SEMA6A: variants seen among roughly 807,000 people sequenced by gnomAD.
SEMA6A encodes the protein semaphorin 6A.
A neutral mutation model predicts 96.8 loss-of-function variants in SEMA6A; 25 were observed. The ratio of observed to expected loss-of-function variants is 0.26; its 90% CI spans 0.19 to 0.36. The LOEUF is 0.36. SEMA6A is among the 10% of genes least tolerant of loss of function. The probability of loss-of-function intolerance (pLI) is 1.00; values close to 1 mark genes in which losing one functional copy is unlikely to be tolerated. For synonymous variants in SEMA6A, 612 were observed against 518.0 expected, an observed-to-expected ratio of 1.18 and a Z score of -2.46; for missense variants, 1,363 against 1,323.1, an observed-to-expected ratio of 1.03 and a Z score of -0.47.
chr5:116,509,253 C>T (rs910756710), intron 1 of SEMA6A, among the ~76,000 whole-genome samples: 3 of 152,202 alleles, frequency 2.0e-5, no homozygotes, highest in Admixed American at 6.5e-5. Context: ...ATACAAAATG[C>T]TTTTAACAAC....
intron 6 of SEMA6A, among the ~76,000 whole-genome samples, chr5:116,495,195 C>T (rs1189256443): frequency 4.6e-5 from 7 of 152,184 alleles, no homozygotes; most frequent in African/African-American, 1.4e-4. Flanking sequence ...ACTAACTTTG[C>T]TAGGCAGGCT....
chr5:116,497,881 G>A (rs547315785), intron 3 of SEMA6A, among the ~76,000 whole-genome samples: 3 of 152,242 alleles, frequency 2.0e-5, no homozygotes, highest in Admixed American at 6.5e-5. Context: ...CTATTTGATC[G>A]ACAGGATGGA....
rs754135377 is a variant in SEMA6A at position 116,496,284 on chromosome 5, A to G, written c.309T>C (p.Asp103=). ...TTCCCTTCATTCTGCATGTGTCTAC[A>G]TCGGCCTGTCTAGATTTCCATGTCA... The part of the protein sequence containing the change: ...KKLTWKSRQA[D]VDTCRMKGKH... The change falls in exon 5 of 19, where the codon GAT becomes GAC. Residue 103 remains aspartate (D), a synonymous_variant. Coordinates refer to ENST00000343348, the MANE Select transcript of SEMA6A (RefSeq NM_020796.5). 8.1e-6 allele frequency: 13 copies of G among 1,613,720 alleles called. No homozygotes were observed. Among genetic ancestry groups the G allele is most frequent in the African/African-American group, 1.3e-5 (1 of 74,898 alleles).
intron 1 of SEMA6A, chr5:116,508,199 G>C (rs1758239099): frequency 6.6e-6 from 1 of 152,006 alleles, no homozygotes; most frequent in African/African-American, 2.4e-5. Context: ...GAGACCAAAA[G>C]GACTGTCTGA....
At chr5:116,464,663 A>C (rs1273851407) in intron 18 of SEMA6A, among the ~76,000 whole-genome samples, 1 of 152,176 alleles carries the variant, frequency 6.6e-6, no homozygotes, top group Non-Finnish European at 1.5e-5. Flanking sequence ...TGGTAGCAGA[A>C]GGGGGTTAGG....
intron 1 of SEMA6A, among the ~76,000 whole-genome samples, chr5:116,567,126 A>G (rs1039751090): frequency 1.3e-5 from 2 of 152,190 alleles, no homozygotes; most frequent in Admixed American, 6.5e-5. Context: ...CCTATTTGAT[A>G]TAAGGCTCTG....
rs1371828429 is a variant in SEMA6A at position 116,480,144 on chromosome 5, ATGGCC to A, written c.1223_1227del (p.Arg408MetfsTer48). 1 of 1,613,838 alleles carries A rather than the reference ATGGCC, an allele frequency of 6.2e-7. No homozygotes were observed. The highest frequency in any genetic ancestry group is 8.5e-7 in the Non-Finnish European group (1 of 1,179,780). On this transcript the variant is annotated frameshift_variant, in exon 12 of 19. Coordinates refer to ENST00000343348, the MANE Select transcript of SEMA6A (RefSeq NM_020796.5). LOFTEE classifies it high-confidence loss of function. Reference sequence around the variant, plus strand: ...CACCTGACCATTGTTCTCAGGAACCATGGCCTGTTGAAGATGGAGGGCACTGCCTC... The same window carrying A: ...CACCTGACCATTGTTCTCAGGAACCATGTTGAAGATGGAGGGCACTGCCTC...
rs1428608549 is a variant in SEMA6A at position 116,478,623 on chromosome 5, T to C, written c.1346A>G (p.Lys449Arg). 1.2e-6 allele frequency: 2 copies of C among 1,613,670 alleles called. No homozygotes were observed. The highest frequency in any genetic ancestry group is 1.7e-5 in the Admixed American group (1 of 59,968). The part of the protein sequence containing the change: ...FLGSEKGIIL[K>R]FLARIGNSGF... The stretch of plus-strand genomic sequence containing the variant: ...ACTATTTCCTATTCTGGCCAAAAAC[T>C]TCAAGATGATTCCCTTCTCTGATCC... The change falls in exon 13 of 19, where the codon AAG becomes AGG. Residue 449 changes from lysine to arginine, a missense_variant. Physicochemically the swap from Lys to Arg is conservative, Grantham distance 26. This residue lies in a region of SEMA6A where 883 missense variants were observed against 763.6 expected (regional missense o/e 1.16). Transcript: ENST00000343348.
intron 1 of SEMA6A, among the ~76,000 whole-genome samples, chr5:116,542,349 C>T (rs1360487179): frequency 3.3e-5 from 5 of 152,096 alleles, no homozygotes; most frequent in African/African-American, 4.8e-5. Context: ...TCAGCATTAC[C>T]GTTTTTCTTC....
intron 7 of SEMA6A, among the ~76,000 whole-genome samples, chr5:116,489,351 T>A (rs1446902171): frequency 2.0e-5 from 3 of 152,138 alleles, no homozygotes; most frequent in African/African-American, 7.2e-5. Flanking sequence ...TGGACACTAC[T>A]ACTGCCACCA....
intron 18 of SEMA6A, among the ~76,000 whole-genome samples, chr5:116,455,663 A>AAAGAT (rs1754966506): frequency 2.6e-5 from 4 of 152,236 alleles, no homozygotes; most frequent in Admixed American, 2.0e-4. Flanking sequence ...TCTATAAAGC[A>AAAGAT]AAGATAAAAC....
intron 3 of SEMA6A, among the ~76,000 whole-genome samples, chr5:116,500,513 T>G (rs966187915): frequency 4.6e-5 from 7 of 152,242 alleles, no homozygotes; most frequent in Non-Finnish European, 8.8e-5. Context: ...GTATAAGTAT[T>G]TGTAAAGTAA....
chr5:116,477,394 G>T (rs907843933), intron 15 of SEMA6A, among the ~76,000 whole-genome samples: 3 of 152,212 alleles, frequency 2.0e-5, no homozygotes, highest in Non-Finnish European at 4.4e-5. Context: ...TATACACCAT[G>T]CTTGCAGTAC....
In SEMA6A at chr5:116,478,158, A is replaced by G. The variant is rs983889108; in HGVS notation, c.1428-4T>C. 4 of 1,613,532 alleles carry G rather than the reference A, an allele frequency of 2.5e-6. No individual in the cohort carries two copies. Among genetic ancestry groups the G allele is most frequent in the Non-Finnish European group, 3.4e-6 (4 of 1,179,798 alleles). Reference sequence around the variant, plus strand: ...TTCGACTCCATCATAGCTGCATCTAATTTCATCAGGCAAGATAATATCATT... The same window carrying G: ...TTCGACTCCATCATAGCTGCATCTAGTTTCATCAGGCAAGATAATATCATT... On this transcript the variant is annotated splice_polypyrimidine_tract_variant and splice_region_variant and intron_variant, in intron 13 of 18. Transcript: ENST00000343348.
chr5:116,557,700 TGCCATCAAGA>T (rs1760661283), intron 1 of SEMA6A, among the ~76,000 whole-genome samples: 2 of 152,258 alleles, frequency 1.3e-5, no homozygotes, highest in Non-Finnish European at 2.9e-5. Flanking sequence ...CTGTCTTCTA[TGCCATCAAGA>T]GCACTGGTGA....
intron 2 of SEMA6A, 183 bp from the exon 3 acceptor site, chr5:116,502,510 T>G: frequency 1.8e-6 from 1 of 541,450 alleles, no homozygotes; most frequent in Non-Finnish European, 3.3e-6. Flanking sequence ...CTCCTTAAGG[T>G]TCATCAAGTT....
chr5:116,496,491 T>A (rs1757610123), intron 4 of SEMA6A, among the ~76,000 whole-genome samples, 178 bp from the exon 5 acceptor site: 1 of 152,250 alleles, frequency 6.6e-6, no homozygotes, highest in African/African-American at 2.4e-5. Flanking sequence ...AAACGTCCGT[T>A]TAATTTTGAA....
chr5:116,508,788 ATTCCCACTCC>A (rs1001348073), intron 1 of SEMA6A, among the ~76,000 whole-genome samples: 3 of 152,118 alleles, frequency 2.0e-5, no homozygotes, highest in Non-Finnish European at 4.4e-5. Context: ...AGACGGAAAC[ATTCCCACTCC>A]TTCCCACTCT....
chr5:116,479,876 G>A (rs1023635187), intron 12 of SEMA6A, among the ~76,000 whole-genome samples: 1 of 152,160 alleles, frequency 6.6e-6, no homozygotes, highest in Non-Finnish European at 1.5e-5. Context: ...CAGAAGGAAA[G>A]GTATTTCCTT....
Sources: allele counts gnomAD v4.1 joint callset (sites outside exome capture counted in the v4.1 genomes callset), GRCh38; gene constraint gnomAD v4.1.1; regional missense constraint gnomAD v4.1.1; transcripts MANE v1.5; gene names NCBI Gene and HGNC (gene_info 2026-07-23, HGNC 2026-07-21).